The following PDXDC1 variants were observed in gnomAD, a reference collection of about 807,000 sequenced individuals.
PDXDC1 encodes the protein pyridoxal dependent decarboxylase domain containing 1, also known as pyridoxal-dependent decarboxylase domain-containing protein 1.
In PDXDC1, 42 loss-of-function variants were observed where a neutral mutation model predicts 100.1. The observed-to-expected ratio is 0.42, with a 90% CI of 0.33 to 0.54. The LOEUF is 0.54. PDXDC1 is among the 20% of genes least tolerant of loss of function. PDXDC1 has a pLI of 0.10. For synonymous variants in PDXDC1, 260 were observed against 371.7 expected, an observed-to-expected ratio of 0.70 and a Z score of 3.46; for missense variants, 636 against 979.2, an observed-to-expected ratio of 0.65 and a Z score of 4.68.
At chr16:14,991,712 A>G (rs1260371339) in intron 1 of PDXDC1, among the ~76,000 whole-genome samples, 1 of 152,064 alleles carries the variant, frequency 6.6e-6, no homozygotes, top group African/African-American at 2.4e-5. Flanking sequence ...TGTAGAGACG[A>G]GGTTTTGCCA....
At position 15,034,475 on chromosome 16, in the gene PDXDC1, C is replaced by A; in HGVS notation, c.1924C>A (p.Pro642Thr). Reference sequence around the variant, plus strand: ...CTTGCAGGGGGTGTTGCGGCAGATCCCTGTAGTGGGCTCCGTGCTGAATTG... The same window carrying A: ...CTTGCAGGGGGTGTTGCGGCAGATCACTGTAGTGGGCTCCGTGCTGAATTG... ...LLEEGVLRQI[P>T]VVGSVLNWFS... The change falls in exon 21 of 23, where the codon CCT becomes ACT. Residue 642 changes from proline (P) to threonine (T), a missense_variant. Around this residue, in one of 4 missense-constraint regions of PDXDC1, gnomAD observed 452 missense variants for 402.9 expected, o/e 1.12. Transcript: ENST00000396410. 4 of 1,614,110 alleles carry A rather than the reference C, an allele frequency of 2.5e-6. No individual in the cohort carries two copies. Among genetic ancestry groups the A allele is most frequent in the Non-Finnish European group, 3.4e-6 (4 of 1,180,008 alleles).
intron 8 of PDXDC1, among the ~76,000 whole-genome samples, chr16:15,014,629 C>T (rs1429193483): frequency 1.3e-5 from 2 of 152,254 alleles, no homozygotes; most frequent in African/African-American, 4.8e-5. Flanking sequence ...AAGTTTTCAG[C>T]CCTTTTCCTG....
At chr16:15,031,136 C>CTTTTTTTTTT (rs1567715347) in intron 16 of PDXDC1, among the ~76,000 whole-genome samples, 1 of 48,718 alleles carries the variant, frequency 2.1e-5, no homozygotes. Context: ...TTTTTTTTTT[C>CTTTTTTTTTT]CATAGAGACG....
intron 16 of PDXDC1, chr16:15,135,851 T>A: frequency 6.6e-7 from 1 of 1,508,120 alleles, no homozygotes; most frequent in East Asian, 2.2e-5. Flanking sequence ...CAGTGGCGTG[T>A]CCCCAAATGA....
At chr16:15,074,838 A>G (rs1263375449) in intron 16 of PDXDC1, 1 of 1,611,922 alleles carries the variant, frequency 6.2e-7, no homozygotes, top group Non-Finnish European at 8.5e-7. Context: ...CCTTTGTTTC[A>G]TGTTCAGTTT....
chr16:15,096,879 G>C (rs1396257939), intron 16 of PDXDC1, among the ~76,000 whole-genome samples: 1 of 152,076 alleles, frequency 6.6e-6, no homozygotes, highest in African/African-American at 2.4e-5. Flanking sequence ...TTGTTGCCCA[G>C]GCTGGTCTTG....
At chr16:15,089,181 C>T (rs1190950591) in intron 16 of PDXDC1, among the ~76,000 whole-genome samples, 1 of 151,974 alleles carries the variant, frequency 6.6e-6, no homozygotes, top group African/African-American at 2.4e-5. Flanking sequence ...GGCACAGCTA[C>T]TCGGGAGGCT....
chr16:14,976,479 A>T (rs1410224439), intron 1 of PDXDC1, among the ~76,000 whole-genome samples: 1 of 152,292 alleles, frequency 6.6e-6, no homozygotes, highest in Non-Finnish European at 1.5e-5. Flanking sequence ...GGAAGACAAG[A>T]AAAAGATAAT....
chr16:15,053,233 A>G (rs1272557268), intron 16 of PDXDC1, among the ~76,000 whole-genome samples: 4 of 152,064 alleles, frequency 2.6e-5, no homozygotes, highest in African/African-American at 9.7e-5. Context: ...TGGCTTCACC[A>G]CTCCCAGGAT....
intron 19 of PDXDC1, 179 bp from the exon 20 acceptor site, chr16:15,034,107 A>G (rs750043879): frequency 1.5e-5 from 9 of 609,020 alleles, no homozygotes; most frequent in Non-Finnish European, 2.3e-5. Context: ...GTGTCTGCCT[A>G]GGCCTCTATG....
At chr16:15,016,571 C>T (rs2041813151) in intron 9 of PDXDC1, among the ~76,000 whole-genome samples, 1 of 152,296 alleles carries the variant, frequency 6.6e-6, no homozygotes, top group Admixed American at 6.5e-5. Context: ...TCGTGGTCAG[C>T]TGGAAGTCCT....
chr16:15,071,429 C>T (rs540563720), intron 16 of PDXDC1, among the ~76,000 whole-genome samples: 14 of 152,262 alleles, frequency 9.2e-5, no homozygotes, highest in African/African-American at 3.1e-4. Flanking sequence ...AAAGGCACCT[C>T]GGGTGTTAAA....
intron 1 of PDXDC1, among the ~76,000 whole-genome samples, chr16:14,992,633 T>A (rs1265531790): frequency 9.9e-5 from 15 of 152,272 alleles, no homozygotes; most frequent in African/African-American, 3.4e-4. Flanking sequence ...CTATTTTATC[T>A]AAAAATTTGG....
At chr16:15,070,977 A>T (rs1192301867) in intron 16 of PDXDC1, 7 of 602,534 alleles carry the variant, frequency 1.2e-5, no homozygotes, top group African/African-American at 3.8e-5. Flanking sequence ...ACCACTTAGA[A>T]ATATAAACAT....
At chr16:14,981,442 A>T (rs1199360721) in intron 1 of PDXDC1, among the ~76,000 whole-genome samples, 2 of 152,290 alleles carry the variant, frequency 1.3e-5, no homozygotes, top group Admixed American at 1.3e-4. Flanking sequence ...CTGCCTATAA[A>T]GCTTATCTTA....
At chr16:15,139,580 AGACCAGGATG>A (rs1170598481), downstream of PDXDC1, among the ~76,000 whole-genome samples, 5 of 147,038 alleles carry the variant, frequency 3.4e-5, no homozygotes, top group Admixed American at 3.4e-4. Context: ...CAGGAGTTTG[AGACCAGGATG>A]GACAGCATAG....
At chr16:15,033,757 GGGCTGTTGTATGTGT>G (rs1418658708) in intron 19 of PDXDC1, among the ~76,000 whole-genome samples, 2 of 152,144 alleles carry the variant, frequency 1.3e-5, no homozygotes, top group Non-Finnish European at 2.9e-5. Flanking sequence ...TGAATGAAAT[GGGCTGTTGTATGTGT>G]GGTTCCCCCT....
At chr16:15,034,733 C>G (rs1290348332) in intron 21 of PDXDC1, among the ~76,000 whole-genome samples, 180 bp downstream of exon 21, 1 of 152,142 alleles carries the variant, frequency 6.6e-6, no homozygotes, top group East Asian at 1.9e-4. Flanking sequence ...CCCACCGCAC[C>G]CTGGCGGCTG....
intron 9 of PDXDC1, 184 bp downstream of exon 9, chr16:15,016,397 C>T: frequency 7.5e-7 from 1 of 1,336,388 alleles, no homozygotes; most frequent in South Asian, 1.6e-5. Context: ...CTACAAAGAG[C>T]AGTGTTATGA....
Sources: gnomAD v4.1 joint callset for allele counts (sites outside exome capture counted in the v4.1 genomes callset) on GRCh38, gnomAD v4.1.1 for gene constraint, gnomAD v4.1.1 regional missense constraint, MANE v1.5 for transcripts, NCBI Gene and HGNC (gene_info 2026-07-23, HGNC 2026-07-21) for gene names.